Variants in AGA observed in about 807,000 individuals in gnomAD.
AGA encodes the protein aspartylglucosaminidase.
In AGA, 31 loss-of-function variants were observed where a neutral mutation model predicts 40.1. That is an observed-to-expected ratio of 0.77 (90% CI 0.58 to 1.04). The LOEUF (loss-of-function observed/expected upper bound fraction) is 1.04, where lower values mean the gene tolerates loss of function less well. AGA is among the 50% of genes least tolerant of loss of function. The pLI is 0.00. For synonymous variants in AGA, 148 were observed against 144.0 expected, an observed-to-expected ratio of 1.03 and a Z score of -0.20; for missense variants, 445 against 435.4, an observed-to-expected ratio of 1.02 and a Z score of -0.20.
rs372267171 is a variant in AGA at position 177,442,207 on chromosome 4, G to C, written c.127+42C>G. ...GCGGGCTAGTCATCCCCACCCGCAAGCTCTCGCGGCGCAGCCGCCCGCCCA... is the reference window on the plus strand; with the variant it reads ...GCGGGCTAGTCATCCCCACCCGCAACCTCTCGCGGCGCAGCCGCCCGCCCA... On this transcript the variant is annotated intron_variant, in intron 1 of 8. Transcript: ENST00000264595. 8 of 1,610,278 alleles carry C rather than the reference G, an allele frequency of 5.0e-6. 1 individual carries two copies. In the South Asian group the frequency reaches 7.7e-5, roughly 16 times the overall value.
chr4:177,435,851 G>GCA (rs3067063), intron 6 of AGA, among the ~76,000 whole-genome samples: 90 of 148,364 alleles, frequency 6.1e-4, no homozygotes, highest in African/African-American at 2.2e-3. Flanking sequence ...CTGCGTGCAC[G>GCA]CACACACACA....
chr4:177,432,410 A>C (rs1450629123), intron 8 of AGA, among the ~76,000 whole-genome samples: 1 of 152,146 alleles, frequency 6.6e-6, no homozygotes, highest in Non-Finnish European at 1.5e-5. Flanking sequence ...GCTTTCTAAT[A>C]AGGTTTATTT....
intron 6 of AGA, among the ~76,000 whole-genome samples, chr4:177,435,195 G>A (rs140773349): frequency 0.027 from 4,040 of 152,164 alleles, 184 homozygotes; most frequent in African/African-American, 0.092. Flanking sequence ...ACAGGCGTGA[G>A]CCACTGCACC....
Position 177,437,429 on chromosome 4 carries a change from C to T in AGA, c.598G>A (p.Asp200Asn), listed in dbSNP as rs761243441. ...QDIPIHKETE[D>N]DRGHDTIGMV... ...CCAATAGTGTCATGACCACGATCAT[C>T]TTCTGTTTCTTTATGGATAGGAATA... Residue 200 changes from aspartate (D) to asparagine (N), a missense_variant, in exon 5 of 9, where the codon GAT becomes AAT. Transcript: ENST00000264595. 1.9e-5 allele frequency: 30 copies of T among 1,612,718 alleles called. No individual in the cohort carries two copies. In the East Asian group the frequency reaches 6.7e-4, roughly 36 times the overall value.
In AGA at chr4:177,431,633, G is replaced by A. The variant is rs751107091; in HGVS notation, c.*75C>T. The A allele has an allele frequency of 5.8e-6, 7 of 1,209,706 alleles. No homozygotes were observed. In the South Asian group the frequency reaches 6.2e-5, roughly 11 times the overall value. 74.9% of individuals were successfully genotyped at this position (1,209,706 alleles called of 1,614,324 possible). ...ACTTTAGAACACATGAGGAACACTA[G>A]ATGATGAGAGTGAGCAGCCTTTTCA... On this transcript the variant is annotated 3_prime_UTR_variant, in exon 9 of 9. Coordinates refer to ENST00000264595, the MANE Select transcript of AGA (RefSeq NM_000027.4).
In AGA at chr4:177,431,281, T is replaced by C. The variant is rs1404683372; in HGVS notation, c.*427A>G. 7 of 438,500 alleles carry C rather than the reference T, an allele frequency of 1.6e-5. No homozygotes were observed. Among genetic ancestry groups the C allele is most frequent in the Non-Finnish European group, 3.1e-5 (7 of 222,430 alleles). 27.2% of individuals were successfully genotyped at this position (438,500 alleles called of 1,614,324 possible). On this transcript the variant is annotated 3_prime_UTR_variant, in exon 9 of 9. Transcript: ENST00000264595. Reference sequence around the variant, plus strand: ...CATGCATCACTGTGACATAATGAAATTCAATCAGGACTGATCATGCTGAGA... The same window carrying C: ...CATGCATCACTGTGACATAATGAAACTCAATCAGGACTGATCATGCTGAGA...
At position 177,432,003 on chromosome 4, in the gene AGA, C is replaced by G. The variant is rs540319820; in HGVS notation, c.941-195G>C. On this transcript the variant is annotated intron_variant, in intron 8 of 8. Transcript: ENST00000264595. ...TGAAAGGAATGAGGTAGCTGGTAAA[C>G]TATCTCTTTGAACTTCAGAAAACTG... is the stretch of plus-strand genomic sequence containing the variant. Among the ~76,000 whole-genome samples the G allele has an allele frequency of 2.6e-4, 39 of 152,304 alleles. No homozygotes were observed. In the South Asian group the frequency reaches 7.7e-3, roughly 30 times the overall value.
At chr4:177,433,372 T>C (rs769435435) in intron 7 of AGA, 25 bp from the exon 8 acceptor site, 5 of 1,613,866 alleles carry the variant, frequency 3.1e-6, no homozygotes, top group Non-Finnish European at 4.2e-6. Context: ...GGTGAAACCT[T>C]AGTGTCTCAG....
Position 177,439,667 on chromosome 4 carries a change from T to G in AGA, c.303A>C (p.Ala101=). 1.2e-6 allele frequency: 2 copies of G among 1,613,592 alleles called. No individual in the cohort carries two copies. The highest frequency in any genetic ancestry group is 4.5e-5 in the East Asian group (2 of 44,868). Residue 101 remains alanine (A), a synonymous_variant, in exon 3 of 9, where the codon GCA becomes GCC. Transcript: ENST00000264595. ...TTTTAATTCGTCTGAGATCTCCTAC[T>G]GCTCCTACATCCATAGTAGTGCTGC... ...IMDGTTMDVG[A]VGDLRRIKNA... is the part of the protein sequence containing the mutation.
Position 177,440,165 on chromosome 4 carries a change from G to C in AGA, c.281+108C>G, listed in dbSNP as rs558350852. 47 of 1,316,340 alleles carry C rather than the reference G, an allele frequency of 3.6e-5. No individual in the cohort carries two copies. The South Asian group carries it at 5.3e-4, about 15-fold the overall frequency. The allele number at this position is 1,316,340 out of a possible 1,614,324, so 81.5% of individuals were successfully genotyped here. A position where few individuals can be genotyped will look rare whatever the true frequency, so the allele number is the denominator to read the frequency against. ...AGAAAGGTCAAGTATAATAAGCTAG[G>C]GGTTTTGATCTGTGTCAAAACTCAT... On this transcript the variant is annotated intron_variant, in intron 2 of 8. Coordinates refer to ENST00000264595, the MANE Select transcript of AGA (RefSeq NM_000027.4).
intron 8 of AGA, among the ~76,000 whole-genome samples, 153 bp from the exon 9 acceptor site, chr4:177,431,961 G>C (rs1736648895): frequency 6.6e-6 from 1 of 152,132 alleles, no homozygotes; most frequent in East Asian, 1.9e-4. Flanking sequence ...CCTCAGAACT[G>C]AGCAGTGAAC....
chr4:177,433,706 C>T (rs1202868936), intron 7 of AGA, among the ~76,000 whole-genome samples: 1 of 152,198 alleles, frequency 6.6e-6, no homozygotes, highest in Non-Finnish European at 1.5e-5. Flanking sequence ...TGTGCATGGG[C>T]ACAACATCTA....
intron 1 of AGA, 73 bp downstream of exon 1, chr4:177,442,176 A>T: frequency 1.3e-6 from 2 of 1,594,306 alleles, no homozygotes; most frequent in Non-Finnish European, 1.7e-6. Context: ...GGGTGACTGC[A>T]GCGGGGCGGG....
intron 1 of AGA, among the ~76,000 whole-genome samples, chr4:177,441,030 C>G (rs1024467498): frequency 2.6e-5 from 4 of 152,010 alleles, no homozygotes; most frequent in African/African-American, 9.7e-5. Context: ...TTTAAGGTCA[C>G]ACAGCTGGTA....
chr4:177,437,249 A>G lies in AGA; in HGVS notation c.622+156T>C. On this transcript the variant is annotated intron_variant, in intron 5 of 8. Coordinates refer to ENST00000264595, the MANE Select transcript of AGA (RefSeq NM_000027.4). Reference sequence around the variant, plus strand: ...GTATAAATAATTTGCCAAATTTTATACAGATCCTAAGACAAGATGGATCTA... The same window carrying G: ...GTATAAATAATTTGCCAAATTTTATGCAGATCCTAAGACAAGATGGATCTA... The G allele has an allele frequency of 6.3e-6, 4 of 635,944 alleles. No individual in the cohort carries two copies. In the South Asian group the frequency reaches 7.5e-5, roughly 12 times the overall value. The allele number at this position is 635,944 out of a possible 1,614,324, so 39.4% of individuals were successfully genotyped here.
At position 177,430,914 on chromosome 4, in the gene AGA, C is replaced by T. The variant is rs1382353683; in HGVS notation, c.*794G>A. ...GTTAATCAGAAGTTAGGGAAACAAA[C>T]CAAGCTAAACAACCCATTTCTTGAC... On this transcript the variant is annotated 3_prime_UTR_variant, in exon 9 of 9. Transcript: ENST00000264595. The T allele has an allele frequency of 2.2e-6, 1 of 454,052 alleles. No individual in the cohort carries two copies. The highest frequency in any genetic ancestry group is 2.3e-5 in the Admixed American group (1 of 42,570). 28.1% of individuals were successfully genotyped at this position (454,052 alleles called of 1,614,324 possible). A position where few individuals can be genotyped will look rare whatever the true frequency, so the allele number is the denominator to read the frequency against.
intron 7 of AGA, among the ~76,000 whole-genome samples, chr4:177,434,143 G>A (rs1736718657): frequency 6.6e-6 from 1 of 151,896 alleles, no homozygotes; most frequent in Admixed American, 6.6e-5. Context: ...ATAGACTTGT[G>A]CCACCATGCC....
At position 177,431,036 on chromosome 4, in the gene AGA, A is replaced by C. The variant is rs1736614692; in HGVS notation, c.*672T>G. 2 of 453,912 alleles carry C rather than the reference A, an allele frequency of 4.4e-6. No homozygotes were observed. Among genetic ancestry groups the C allele is most frequent in the Admixed American group, 2.4e-5 (1 of 42,538 alleles). The allele number at this position is 453,912 out of a possible 1,614,324, so 28.1% of individuals were successfully genotyped here. A position where few individuals can be genotyped will look rare whatever the true frequency, so the allele number is the denominator to read the frequency against. On this transcript the variant is annotated 3_prime_UTR_variant, in exon 9 of 9. Coordinates refer to ENST00000264595, the MANE Select transcript of AGA (RefSeq NM_000027.4). ...TTTTTAAAAGAAACGATCAATACTA[A>C]ATATTAGCAGCTAAAACATCATTGA...
rs775687506 is a variant in AGA at position 177,442,377 on chromosome 4, C to G, written c.-2G>C. ...AGGCAAGTTCGACTTCCGCGCCATC[C>G]CTGACCACCGAAGAGACCAGCGCGA... On this transcript the variant is annotated 5_prime_UTR_variant, in exon 1 of 9. Coordinates refer to ENST00000264595, the MANE Select transcript of AGA (RefSeq NM_000027.4). 14 of 1,613,888 alleles carry G rather than the reference C, an allele frequency of 8.7e-6. No homozygotes were observed. The South Asian group carries it at 1.4e-4, about 16-fold the overall frequency.
Sources: gnomAD v4.1 joint callset for allele counts (sites outside exome capture counted in the v4.1 genomes callset) on GRCh38, gnomAD v4.1.1 for gene constraint, MANE v1.5 for transcripts, NCBI Gene and HGNC (gene_info 2026-07-23, HGNC 2026-07-21) for gene names.